The following BBS9 variants were observed in gnomAD, a reference collection of about 807,000 sequenced individuals.
The protein encoded by BBS9 is Bardet-Biedl syndrome 9.
A neutral mutation model predicts 117.7 loss-of-function variants in BBS9; 89 were observed. The observed-to-expected ratio is 0.76, with a 90% confidence interval of 0.64 to 0.90. The LOEUF is 0.90. Ranked by LOEUF, BBS9 falls within the 40% of genes least tolerant of loss-of-function variation. The probability of loss-of-function intolerance (pLI) is 0.00; values close to 1 mark genes in which losing one functional copy is unlikely to be tolerated. For synonymous variants in BBS9, 379 were observed against 370.9 expected (o/e 1.02, Z -0.25); for missense variants, 982 against 1,042.2 (o/e 0.94, Z 0.80).
chr7:33,171,675 A>C (rs1034083222), intron 4 of BBS9, among the ~76,000 whole-genome samples: 9 of 152,230 alleles, frequency 5.9e-5, no homozygotes, highest in Non-Finnish European at 8.8e-5. Context: ...TATAAAAATA[A>C]CATCAACGTA....
intron 5 of BBS9, among the ~76,000 whole-genome samples, chr7:33,225,568 A>G (rs1791092990): frequency 6.6e-6 from 1 of 152,266 alleles, no homozygotes; most frequent in Non-Finnish European, 1.5e-5. Flanking sequence ...CAGTTGGTTC[A>G]TCAACCCTTT....
intron 5 of BBS9, among the ~76,000 whole-genome samples, chr7:33,238,502 C>T (rs1161887733): frequency 6.6e-6 from 1 of 152,082 alleles, no homozygotes; most frequent in Non-Finnish European, 1.5e-5. Context: ...CCATGTTGGT[C>T]AGGCTGGTCT....
intron 1 of BBS9, among the ~76,000 whole-genome samples, chr7:33,141,188 C>T (rs151201454): frequency 2.0e-5 from 3 of 152,016 alleles, no homozygotes; most frequent in African/African-American, 7.2e-5. Flanking sequence ...TTTGGGAGGC[C>T]GAGATGGGTG....
intron 20 of BBS9, among the ~76,000 whole-genome samples, chr7:33,530,882 T>C (rs1180380025): frequency 6.6e-6 from 1 of 152,164 alleles, no homozygotes; most frequent in Non-Finnish European, 1.5e-5. Flanking sequence ...AAGTCCCGAT[T>C]AACCCATTAT....
At chr7:33,384,715 T>TGTGAGAGAGAGA (rs370625971) in intron 18 of BBS9, among the ~76,000 whole-genome samples, 6 of 144,716 alleles carry the variant, frequency 4.1e-5, no homozygotes, top group Non-Finnish European at 7.6e-5. Flanking sequence ...TGTGTGTGTG[T>TGTGAGAGAGAGA]GAGAGAGAGA....
chr7:33,210,407 T>C (rs181156097), intron 5 of BBS9, among the ~76,000 whole-genome samples: 1 of 152,224 alleles, frequency 6.6e-6, no homozygotes, highest in African/African-American at 2.4e-5. Flanking sequence ...CTCCATTTGG[T>C]CTATAGTGCA....
intron 4 of BBS9, among the ~76,000 whole-genome samples, chr7:33,171,355 A>G (rs1227631692): frequency 2.0e-5 from 3 of 152,202 alleles, no homozygotes; most frequent in Non-Finnish European, 4.4e-5. Flanking sequence ...CAGTGGGGAA[A>G]GGATTCCCTA....
intron 19 of BBS9, among the ~76,000 whole-genome samples, chr7:33,393,742 G>A (rs1827466729): frequency 6.6e-6 from 1 of 152,142 alleles, no homozygotes; most frequent in African/African-American, 2.4e-5. Flanking sequence ...CGGCAATGAG[G>A]CAACCATCCA....
At chr7:33,500,759 TTGC>T (rs1270408630) in intron 19 of BBS9, among the ~76,000 whole-genome samples, 1 of 152,228 alleles carries the variant, frequency 6.6e-6, no homozygotes, top group Non-Finnish European at 1.5e-5. Flanking sequence ...TACTCTGCTG[TTGC>T]TGCTGCTGCT....
intron 19 of BBS9, among the ~76,000 whole-genome samples, chr7:33,409,249 G>T (rs150462181): frequency 2.6e-5 from 4 of 152,290 alleles, no homozygotes; most frequent in African/African-American, 9.6e-5. Flanking sequence ...ATTGAGAAGT[G>T]TATTTCCTAT....
rs145629997 is a variant in BBS9 at position 33,252,273 on chromosome 7, C to G, written c.443-4963C>G. On this transcript the variant is annotated intron_variant, in intron 5 of 22. Coordinates refer to ENST00000242067, the MANE Select transcript of BBS9 (RefSeq NM_198428.3). ...ACCTCCCTCCCTCCAGGCTCCACCT[C>G]CAACATTGGAGATTACAATTTGACA... Among the ~76,000 whole-genome samples, 308 of 152,268 alleles carry G rather than the reference C, an allele frequency of 2.0e-3. 1 individual carries two copies. Among genetic ancestry groups the G allele is most frequent in the African/African-American group, 7.1e-3 (293 of 41,550 alleles).
chr7:33,166,430 G>T (rs1160553749), intron 4 of BBS9, among the ~76,000 whole-genome samples: 3 of 152,248 alleles, frequency 2.0e-5, no homozygotes, highest in African/African-American at 7.2e-5. Flanking sequence ...AGAAGTTTCT[G>T]CTGCCTTTTG....
intron 21 of BBS9, among the ~76,000 whole-genome samples, chr7:33,559,966 G>A (rs770799098): frequency 6.6e-6 from 1 of 152,042 alleles, no homozygotes; most frequent in Non-Finnish European, 1.5e-5. Context: ...GCTGACTCCT[G>A]TAGTCCTTCA....
chr7:33,387,797 T>A (rs375734314), intron 18 of BBS9, among the ~76,000 whole-genome samples, 195 bp from the exon 19 acceptor site: 120 of 152,352 alleles, frequency 7.9e-4, no homozygotes, highest in African/African-American at 2.7e-3. Flanking sequence ...AATTTTCCAT[T>A]TGATCTGTTC....
chr7:33,388,198 A>C, intron 19 of BBS9, 54 bp downstream of exon 19: 1 of 1,583,664 alleles, frequency 6.3e-7, no homozygotes, highest in Non-Finnish European at 8.7e-7. Flanking sequence ...TTTTTTTGTC[A>C]CCCTAGAGTC....
intron 1 of BBS9, among the ~76,000 whole-genome samples, chr7:33,144,850 T>A (rs1373135616): frequency 6.6e-6 from 1 of 152,190 alleles, no homozygotes; most frequent in Non-Finnish European, 1.5e-5. Flanking sequence ...CCCTGGTATA[T>A]TAAATGTGTT....
Position 33,383,766 on chromosome 7 carries a change from A to G in BBS9, c.1890A>G (p.Lys630=). 1 of 1,612,974 alleles carries G rather than the reference A, an allele frequency of 6.2e-7. No individual in the cohort carries two copies. Among genetic ancestry groups the G allele is most frequent in the African/African-American group, 1.3e-5 (1 of 75,028 alleles). The change falls in exon 18 of 23, where the codon AAA becomes AAG. Residue 630 remains lysine, a synonymous_variant. Transcript: ENST00000242067. The stretch of plus-strand genomic sequence containing the variant: ...AATATTTTGAAAAACAGGGAGTCAA[A>G]GATTTTGCATGTTCTTTTTCGGGAT... ...LQEYFEKQGV[K]DFACSFSGSI... is the part of the protein sequence containing the mutation.
intron 21 of BBS9, among the ~76,000 whole-genome samples, chr7:33,598,094 A>C (rs1182086543): frequency 6.6e-6 from 1 of 152,052 alleles, no homozygotes; most frequent in East Asian, 1.9e-4. Context: ...CCACTGTTCA[A>C]GACTTAAGCC....
chr7:33,431,232 G>C (rs981517337), intron 19 of BBS9, among the ~76,000 whole-genome samples: 1 of 151,682 alleles, frequency 6.6e-6, no homozygotes, highest in African/African-American at 2.4e-5. Context: ...AATGGTACTG[G>C]TTACCTAAGA....
Sources: allele counts gnomAD v4.1 joint callset (sites outside exome capture counted in the v4.1 genomes callset), GRCh38; gene constraint gnomAD v4.1.1; transcripts MANE v1.5; gene names NCBI Gene and HGNC (gene_info 2026-07-23, HGNC 2026-07-21).